RB1CC1: variants seen among roughly 807,000 people sequenced by gnomAD.
RB1CC1 encodes RB1 inducible coiled-coil 1, also known as RB1-inducible coiled-coil protein 1.
Under a neutral mutation model 177.5 loss-of-function variants are expected in RB1CC1, and 46 were observed. The observed-to-expected ratio is 0.26, with a 90% CI of 0.20 to 0.33. The LOEUF (loss-of-function observed/expected upper bound fraction) is 0.33. Ranked by LOEUF, RB1CC1 falls within the 10% of genes least tolerant of loss-of-function variation. The pLI is 1.00. For synonymous variants in RB1CC1, 666 were observed against 613.6 expected (o/e 1.09, Z -1.26); for missense variants, 1,703 against 1,816.3 (o/e 0.94, Z 1.13).
intron 8 of RB1CC1, among the ~76,000 whole-genome samples, chr8:52,667,534 C>T (rs1258358865): frequency 6.6e-6 from 1 of 152,134 alleles, no homozygotes; most frequent in Admixed American, 6.5e-5. Context: ...TCCACATTTA[C>T]CACTCTTACT....
chr8:52,705,965 G>C (rs1259349625), intron 1 of RB1CC1, among the ~76,000 whole-genome samples: 1 of 152,070 alleles, frequency 6.6e-6, no homozygotes, highest in African/African-American at 2.4e-5. Context: ...TTCTGTTTGT[G>C]GATTTTATTT....
In RB1CC1 at chr8:52,623,693, A is replaced by C; in HGVS notation, c.*89T>G. 1 of 922,222 alleles carries C rather than the reference A, an allele frequency of 1.1e-6. No homozygotes were observed. The highest frequency in any genetic ancestry group is 1.8e-6 in the Non-Finnish European group (1 of 563,524). 57.1% of individuals were successfully genotyped at this position (922,222 alleles called of 1,614,324 possible). ...TTGTCACGCTGACTTTTGCATAAAA[A>C]GATGGCCTGCTGTTTTTGGAGTGAT... On this transcript the variant is annotated 3_prime_UTR_variant, in exon 24 of 24. Coordinates refer to ENST00000025008, the MANE Select transcript of RB1CC1 (RefSeq NM_014781.5).
chr8:52,691,531 A>G (rs765267699), intron 1 of RB1CC1, among the ~76,000 whole-genome samples: 57 of 152,330 alleles, frequency 3.7e-4, no homozygotes, highest in African/African-American at 1.3e-3. Flanking sequence ...ATTAATTTAA[A>G]CCACTTCAAG....
chr8:52,698,335 T>C (rs1417489241), intron 1 of RB1CC1, among the ~76,000 whole-genome samples: 1 of 152,106 alleles, frequency 6.6e-6, no homozygotes, highest in African/African-American at 2.4e-5. Flanking sequence ...ATAACTTTTT[T>C]TTTTTTACAC....
intron 5 of RB1CC1, among the ~76,000 whole-genome samples, chr8:52,682,685 T>G (rs1191336121): frequency 6.6e-6 from 1 of 152,110 alleles, no homozygotes; most frequent in Non-Finnish European, 1.5e-5. Context: ...ATGTAGTATG[T>G]ACACTTTTCA....
At chr8:52,713,282 C>G (rs749006367) in intron 1 of RB1CC1, among the ~76,000 whole-genome samples, 5 of 152,182 alleles carry the variant, frequency 3.3e-5, no homozygotes, top group Admixed American at 1.3e-4. Flanking sequence ...TATGACCACA[C>G]TTTAAAGAGT....
At chr8:52,708,874 C>T (rs949606895) in intron 1 of RB1CC1, among the ~76,000 whole-genome samples, 27 of 152,278 alleles carry the variant, frequency 1.8e-4, no homozygotes, top group African/African-American at 6.5e-4. Flanking sequence ...CTAATAACTG[C>T]AGTTTACAGA....
At chr8:52,660,009 C>T (rs1205774320) in intron 12 of RB1CC1, among the ~76,000 whole-genome samples, 1 of 152,158 alleles carries the variant, frequency 6.6e-6, no homozygotes, top group Admixed American at 6.5e-5. Context: ...AAAACAACAA[C>T]AACACAGCTA....
intron 1 of RB1CC1, among the ~76,000 whole-genome samples, chr8:52,691,993 T>C (rs1381562672): frequency 6.6e-6 from 1 of 152,254 alleles, no homozygotes; most frequent in Non-Finnish European, 1.5e-5. Flanking sequence ...ATGCATGACT[T>C]CATTTATCAT....
chr8:52,626,609 C>A (rs1187310502), intron 22 of RB1CC1, among the ~76,000 whole-genome samples: 1 of 152,098 alleles, frequency 6.6e-6, no homozygotes, highest in Admixed American at 6.6e-5. Context: ...GTTTAAAAAT[C>A]ATATTCAAAT....
chr8:52,634,788 A>AAC, intron 20 of RB1CC1, 133 bp downstream of exon 20: 1 of 713,866 alleles, frequency 1.4e-6, no homozygotes, highest in Non-Finnish European at 2.2e-6. Flanking sequence ...TTCAATGACC[A>AAC]ACACGGACCA....
At chr8:52,680,428 T>C (rs1043609152) in intron 5 of RB1CC1, among the ~76,000 whole-genome samples, 4 of 152,142 alleles carry the variant, frequency 2.6e-5, no homozygotes, top group African/African-American at 9.7e-5. Context: ...ATAGCTAATA[T>C]ATGGAAGAAA....
intron 22 of RB1CC1, among the ~76,000 whole-genome samples, chr8:52,627,165 G>C (rs1185443937): frequency 6.6e-6 from 1 of 152,064 alleles, no homozygotes; most frequent in Non-Finnish European, 1.5e-5. Context: ...CTAGCCAACA[G>C]GTAAAAACCC....
intron 1 of RB1CC1, among the ~76,000 whole-genome samples, chr8:52,697,060 C>G (rs887338008): frequency 4.6e-5 from 7 of 151,988 alleles, no homozygotes; most frequent in Non-Finnish European, 7.4e-5. Context: ...ATATGGAAAA[C>G]CTCCAGCTAA....
Position 52,673,942 on chromosome 8 carries a change from G to A in RB1CC1, c.905C>T (p.Pro302Leu), listed in dbSNP as rs749107187. Residue 302 changes from proline to leucine, a missense_variant, in exon 7 of 24, where the codon CCC (proline) becomes CTC (leucine). Coordinates refer to ENST00000025008, the MANE Select transcript of RB1CC1 (RefSeq NM_014781.5). ...TTIDTKDGDLPFFNVSLLDWI... is the reference protein window; with the variant it reads ...TTIDTKDGDLLFFNVSLLDWI... ...GTCTAACAAAGAGACATTAAAAAAG[G>A]GCAGATCACCATCTTTAGTGTCAAT... 3 of 1,613,954 alleles carry A rather than the reference G, an allele frequency of 1.9e-6. No homozygotes were observed. The South Asian group carries it at 3.3e-5, about 18-fold the overall frequency.
At chr8:52,633,128 C>T (rs1218977120) in intron 20 of RB1CC1, among the ~76,000 whole-genome samples, 1 of 152,150 alleles carries the variant, frequency 6.6e-6, no homozygotes, top group Non-Finnish European at 1.5e-5. Flanking sequence ...GTTGATATCT[C>T]ATGTTTCCCT....
chr8:52,699,767 C>T (rs1351003219), intron 1 of RB1CC1, among the ~76,000 whole-genome samples: 14 of 120,330 alleles, frequency 1.2e-4, no homozygotes, highest in Non-Finnish European at 1.9e-4. Context: ...TGCAGTGAGC[C>T]GAGATTCTGC....
rs745956408 is a variant in RB1CC1 at position 52,657,296 on chromosome 8, T to C, written c.2533A>G (p.Arg845Gly). 2.5e-6 allele frequency: 4 copies of C among 1,608,718 alleles called. No homozygotes were observed. The highest frequency in any genetic ancestry group is 2.2e-5 in the East Asian group (1 of 44,784). ...NSLKCTAVEI[R>G]NIIEKVKCSL... ...CATTTTACTTTTTCAATAATGTTTC[T>C]TATTTCTACTGCTGTACATTTTAAT... Residue 845 changes from arginine (R) to glycine (G), a missense_variant, in exon 15 of 24, where the codon AGA becomes GGA. By Grantham distance (125) the Arg-to-Gly change is moderately radical. This residue lies in a region of RB1CC1 where 1,169 missense variants were observed against 1,184.7 expected (regional missense o/e 0.99). Coordinates refer to ENST00000025008, the MANE Select transcript of RB1CC1 (RefSeq NM_014781.5).
At chr8:52,682,540 TTA>T (rs1853854273) in intron 5 of RB1CC1, among the ~76,000 whole-genome samples, 1 of 152,188 alleles carries the variant, frequency 6.6e-6, no homozygotes, top group African/African-American at 2.4e-5. Context: ...TTCTGACATT[TTA>T]TCTTTTCTTT....
Sources: gnomAD v4.1 joint callset for allele counts (sites outside exome capture counted in the v4.1 genomes callset) on GRCh38, gnomAD v4.1.1 for gene constraint, gnomAD v4.1.1 regional missense constraint, MANE v1.5 for transcripts, NCBI Gene and HGNC (gene_info 2026-07-23, HGNC 2026-07-21) for gene names.